Variants in NEK5 observed in about 807,000 individuals in gnomAD.
NEK5 encodes serine/threonine-protein kinase Nek5.
Under a neutral mutation model 109.2 loss-of-function variants are expected in NEK5, and 88 were observed. The ratio of observed to expected loss-of-function variants is 0.81; its 90% CI spans 0.68 to 0.96. The LOEUF (loss-of-function observed/expected upper bound fraction) is 0.96. Ranked by LOEUF, NEK5 falls within the 40% of genes least tolerant of loss-of-function variation. NEK5 has a pLI of 0.00. For missense variants in NEK5, 834 were observed against 920.7 expected, an observed-to-expected ratio of 0.91 and a Z score of 1.22; for synonymous variants, 283 against 299.9, an observed-to-expected ratio of 0.94 and a Z score of 0.58.
chr13:52,056,069 C>A (rs1417823037), intron 22 of NEK5, among the ~76,000 whole-genome samples: 4 of 152,262 alleles, frequency 2.6e-5, no homozygotes, highest in East Asian at 3.9e-4. Context: ...CATGCAGAGA[C>A]ACACATACGC....
chr13:52,092,094 A>C (rs1298109985), intron 13 of NEK5, among the ~76,000 whole-genome samples: 1 of 152,202 alleles, frequency 6.6e-6, no homozygotes, highest in African/African-American at 2.4e-5. Flanking sequence ...GTCTGTGCCT[A>C]CAGTTAAGCA....
At chr13:52,051,013 C>A (rs138206089) in intron 22 of NEK5, among the ~76,000 whole-genome samples, 1 of 151,358 alleles carries the variant, frequency 6.6e-6, no homozygotes, top group Non-Finnish European at 1.5e-5. Flanking sequence ...CCACCGTGCC[C>A]GGCCCTAGTG....
chr13:52,081,040 G>A (rs953619266), intron 17 of NEK5, among the ~76,000 whole-genome samples: 16 of 151,972 alleles, frequency 1.1e-4, no homozygotes, highest in African/African-American at 3.9e-4. Context: ...ATGTTTGGGG[G>A]AAATGTGAGC....
At chr13:52,077,663 CT>C (rs1345340441) in intron 17 of NEK5, among the ~76,000 whole-genome samples, 1 of 152,210 alleles carries the variant, frequency 6.6e-6, no homozygotes, top group Non-Finnish European at 1.5e-5. Context: ...TGCGACCATT[CT>C]GGAACACCAT....
chr13:52,074,964 T>C (rs1449036721), intron 19 of NEK5, among the ~76,000 whole-genome samples: 1 of 151,966 alleles, frequency 6.6e-6, no homozygotes, highest in Non-Finnish European at 1.5e-5. Flanking sequence ...TACTAAAAAG[T>C]CAAAAAACAA....
chr13:52,100,949 T>C (rs904305200), intron 11 of NEK5, among the ~76,000 whole-genome samples: 6 of 152,222 alleles, frequency 3.9e-5, no homozygotes, highest in Non-Finnish European at 1.5e-5. Context: ...TGAGAGGCTT[T>C]CTGCTCCTCC....
chr13:52,111,488 A>AT (rs1351866975), intron 5 of NEK5, among the ~76,000 whole-genome samples: 1 of 152,206 alleles, frequency 6.6e-6, no homozygotes, highest in African/African-American at 2.4e-5. Context: ...AGAGATATTG[A>AT]TTTTTTAATC....
chr13:52,063,736 G>A (rs1453240603), intron 21 of NEK5, among the ~76,000 whole-genome samples: 7 of 151,722 alleles, frequency 4.6e-5, no homozygotes, highest in Non-Finnish European at 1.0e-4. Context: ...CCCCGTCTGG[G>A]AGGTGAGGAG....
At chr13:52,128,594 G>A (rs184405263) in intron 1 of NEK5, among the ~76,000 whole-genome samples, 341 of 152,260 alleles carry the variant, frequency 2.2e-3, no homozygotes, top group African/African-American at 6.4e-3. Context: ...CTGGGTTGCA[G>A]GGGGCTGGGA....
At chr13:52,063,192 C>T (rs1954629225) in intron 21 of NEK5, among the ~76,000 whole-genome samples, 1 of 152,222 alleles carries the variant, frequency 6.6e-6, no homozygotes, top group Non-Finnish European at 1.5e-5. Context: ...CCTGCCTCAG[C>T]CTGCCGAGTG....
chr13:52,120,096 C>A (rs901336946), intron 3 of NEK5, among the ~76,000 whole-genome samples: 12 of 152,140 alleles, frequency 7.9e-5, no homozygotes, highest in Non-Finnish European at 1.3e-4. Context: ...CTGATGTCCA[C>A]GGGGCCTCCA....
intron 17 of NEK5, chr13:52,082,228 T>A (rs1955026445): frequency 5.9e-6 from 2 of 338,192 alleles, no homozygotes; most frequent in Non-Finnish European, 5.4e-6. Flanking sequence ...GGCAGGAGAA[T>A]CGCTTGAACC....
At chr13:52,123,714 A>G (rs1342558399) in intron 3 of NEK5, among the ~76,000 whole-genome samples, 3 of 152,202 alleles carry the variant, frequency 2.0e-5, no homozygotes, top group Non-Finnish European at 2.9e-5. Flanking sequence ...AAACAGCCAA[A>G]GCATGTCCAG....
At chr13:52,083,668 C>T (rs1593953655) in intron 16 of NEK5, among the ~76,000 whole-genome samples, 1 of 152,082 alleles carries the variant, frequency 6.6e-6, no homozygotes, top group Non-Finnish European at 1.5e-5. Flanking sequence ...TCCCAAGTAG[C>T]TGGGACTATA....
At chr13:52,095,169 G>A (rs148212602) in intron 12 of NEK5, among the ~76,000 whole-genome samples, 2,274 of 152,204 alleles carry the variant, frequency 0.015, 71 homozygotes, top group Admixed American at 0.08. Context: ...CTCCTGGGCT[G>A]AAATGATCCT....
At chr13:52,058,644 C>T (rs1168000818) in intron 22 of NEK5, among the ~76,000 whole-genome samples, 18 of 152,034 alleles carry the variant, frequency 1.2e-4, no homozygotes, top group African/African-American at 2.7e-4. Flanking sequence ...TCAGAAATAA[C>T]GCCACATATC....
chr13:52,120,649 G>A (rs1955949592), intron 3 of NEK5, among the ~76,000 whole-genome samples: 1 of 152,160 alleles, frequency 6.6e-6, no homozygotes. Flanking sequence ...GGTAGCTCAT[G>A]CCTGTAATCC....
At chr13:52,045,855 G>A (rs1217541429) in intron 23 of NEK5, among the ~76,000 whole-genome samples, 1 of 149,990 alleles carries the variant, frequency 6.7e-6, no homozygotes, top group Non-Finnish European at 1.5e-5. Context: ...GGTGGATCAC[G>A]AGGTCAGGGG....
At chr13:52,098,061 TAA>T (rs531250990) in intron 12 of NEK5, among the ~76,000 whole-genome samples, 2 of 152,172 alleles carry the variant, frequency 1.3e-5, no homozygotes, top group Non-Finnish European at 2.9e-5. Context: ...GCCATGATTA[TAA>T]GTTTCCTGCG....
Sources: gnomAD v4.1 joint callset for allele counts (sites outside exome capture counted in the v4.1 genomes callset) on GRCh38, gnomAD v4.1.1 for gene constraint, MANE v1.5 for transcripts, NCBI Gene and HGNC (gene_info 2026-07-23, HGNC 2026-07-21) for gene names.